Variants in MYO10 observed in about 807,000 individuals in gnomAD.
MYO10 encodes myosin X.
In MYO10, 133 loss-of-function variants were observed where a neutral mutation model predicts 257.3. The ratio of observed to expected loss-of-function variants is 0.52; its 90% CI spans 0.45 to 0.60. The LOEUF is 0.60. Among genes scored for constraint, MYO10 ranks in the 20% least tolerant of loss-of-function variants. The probability of loss-of-function intolerance (pLI) is 0.00; values close to 1 mark genes in which losing one functional copy is unlikely to be tolerated. For synonymous variants in MYO10, 1,104 were observed against 1,028.6 expected (o/e 1.07, Z -1.40); for missense variants, 2,399 against 2,635.7 (o/e 0.91, Z 1.97).
chr5:16,699,724 C>G, intron 25 of MYO10, 151 bp from the exon 26 acceptor site: 1 of 807,768 alleles, frequency 1.2e-6, no homozygotes, highest in Non-Finnish European at 1.9e-6. Flanking sequence ...GAGGCAGTGA[C>G]TGCACTGAGC....
chr5:16,866,331 T>C (rs552493425), intron 2 of MYO10, among the ~76,000 whole-genome samples: 2 of 152,366 alleles, frequency 1.3e-5, no homozygotes, highest in Admixed American at 6.5e-5. Context: ...TTGTATTTTG[T>C]TGAGCCATAC....
chr5:16,887,489 T>TTTA (rs909446953), intron 1 of MYO10, among the ~76,000 whole-genome samples: 6 of 152,160 alleles, frequency 3.9e-5, no homozygotes, highest in East Asian at 1.9e-4. Context: ...AGTCCTGAGT[T>TTTA]TTATTATTAT....
In MYO10 at chr5:16,676,259, G is replaced by C; in HGVS notation, c.4543-105C>G. 3 of 1,374,688 alleles carry C rather than the reference G, an allele frequency of 2.2e-6. No individual in the cohort carries two copies. The South Asian group carries it at 4.1e-5, about 19-fold the overall frequency. The allele number at this position is 1,374,688 out of a possible 1,614,324, so 85.2% of individuals were successfully genotyped here. Reference sequence around the variant, plus strand: ...CCATAAACCTAGTGGGGCAAAGATGGTGGAAATCCAGTGTTAGGTGGTTTC... The same window carrying C: ...CCATAAACCTAGTGGGGCAAAGATGCTGGAAATCCAGTGTTAGGTGGTTTC... On this transcript the variant is annotated intron_variant, in intron 33 of 40. Transcript: ENST00000513610.
At chr5:16,729,513 G>A (rs1350540029) in intron 19 of MYO10, among the ~76,000 whole-genome samples, 20 of 149,554 alleles carry the variant, frequency 1.3e-4, no homozygotes, top group African/African-American at 3.5e-4. Flanking sequence ...GTGCAGTGGC[G>A]CGATCTTGGC....
rs1055381363 is a variant in MYO10 at position 16,794,769 on chromosome 5, G to A, written c.344C>T (p.Pro115Leu). The A allele has an allele frequency of 3.7e-6, 6 of 1,608,882 alleles. No homozygotes were observed. Among genetic ancestry groups the A allele is most frequent in the East Asian group, 2.2e-5 (1 of 44,556 alleles). The change falls in exon 4 of 41, where the codon CCT becomes CTT. Residue 115 changes from proline (P) to leucine (L), a missense_variant. By Grantham distance (98) the Pro-to-Leu change is moderately conservative (BLOSUM62 -3). This residue lies in a region of MYO10 where 242 missense variants were observed against 249.5 expected (regional missense o/e 0.97). Coordinates refer to ENST00000513610, the MANE Select transcript of MYO10 (RefSeq NM_012334.3). ...PYQPIAGLYE[P>L]ATMEQYSRRH... ...CCGGCTGTACTGCTCCATGGTGGCA[G>A]GCTCGTACAGCCCGGCGATGGGCTG...
At chr5:16,835,810 T>TAAA (rs34486163) in intron 2 of MYO10, among the ~76,000 whole-genome samples, 3,855 of 146,836 alleles carry the variant, frequency 0.026, 73 homozygotes, top group Admixed American at 0.074. Flanking sequence ...CAAAAGTCTT[T>TAAA]AAAAAAAAAA....
intron 2 of MYO10, among the ~76,000 whole-genome samples, chr5:16,833,410 C>T (rs1409736786): frequency 6.6e-6 from 1 of 152,000 alleles, no homozygotes. Flanking sequence ...GACGAGGTTT[C>T]ACCATGTTGG....
Position 16,711,317 on chromosome 5 carries a change from G to A in MYO10, c.1930-72C>T, listed in dbSNP as rs146522656. ...AATTCGATAAGGGAGGCTTAATAAA[G>A]CCACCTCCATCATTGGTTTACCCCG... On this transcript the variant is annotated intron_variant, in intron 19 of 40. Transcript: ENST00000513610. 8.5e-4 allele frequency: 1,249 copies of A among 1,476,210 alleles called. 1 individual carries two copies. The highest frequency in any genetic ancestry group is 1.0e-3 in the Non-Finnish European group (1,130 of 1,081,982). 91.4% of individuals were successfully genotyped at this position (1,476,210 alleles called of 1,614,324 possible).
intron 1 of MYO10, among the ~76,000 whole-genome samples, chr5:16,897,279 T>C (rs1745244198): frequency 7.0e-6 from 1 of 142,316 alleles, no homozygotes; most frequent in Non-Finnish European, 1.5e-5. Context: ...GCTAAGTAAA[T>C]ATCGCCTGAA....
intron 3 of MYO10, among the ~76,000 whole-genome samples, chr5:16,797,347 G>C (rs1440235706): frequency 6.6e-6 from 1 of 152,112 alleles, no homozygotes; most frequent in Non-Finnish European, 1.5e-5. Flanking sequence ...AAACACTTCA[G>C]GTCCCAAGCA....
At position 16,662,314 on chromosome 5, in the gene MYO10, C is replaced by CTCTTTTTTTTTTTTTTTT. The variant is rs1199270809; in HGVS notation, c.*4377_*4378insAAAAAAAAAAAAAAAAGA. On this transcript the variant is annotated 3_prime_UTR_variant, in exon 41 of 41. Transcript: ENST00000513610. ...AAAAGTGCTGTCTTAGATTTCTGAA[C>CTCTTTTTTTTTTTTTTTT]TATTTTTTTTTTTTTTTTTTTTTTT... is the stretch of plus-strand genomic sequence containing the variant. The CTCTTTTTTTTTTTTTTTT allele has an allele frequency of 2.5e-5, 1 of 39,670 alleles. No homozygotes were observed. Among genetic ancestry groups the CTCTTTTTTTTTTTTTTTT allele is most frequent in the African/African-American group, 9.0e-5 (1 of 11,074 alleles). 2.5% of individuals were successfully genotyped at this position (39,670 alleles called of 1,614,324 possible).
At chr5:16,703,966 C>A (rs967860732) in intron 22 of MYO10, among the ~76,000 whole-genome samples, 24 of 150,464 alleles carry the variant, frequency 1.6e-4, no homozygotes, top group African/African-American at 5.9e-4. Flanking sequence ...AATGATAACA[C>A]CAAGGTGAAC....
intron 2 of MYO10, among the ~76,000 whole-genome samples, chr5:16,856,646 T>G (rs774833496): frequency 6.6e-6 from 1 of 151,194 alleles, no homozygotes. Flanking sequence ...GGAGGTGGAG[T>G]CTACAGATGG....
intron 1 of MYO10, among the ~76,000 whole-genome samples, chr5:16,894,547 G>A (rs957804819): frequency 1.8e-4 from 27 of 152,184 alleles, no homozygotes; most frequent in African/African-American, 6.3e-4. Context: ...GGATTAAAGA[G>A]GCTAACTCTG....
chr5:16,933,085 A>T (rs1194685729), intron 1 of MYO10, among the ~76,000 whole-genome samples: 2 of 152,234 alleles, frequency 1.3e-5, no homozygotes, highest in African/African-American at 4.8e-5. Context: ...AGGGAAGCGC[A>T]GACAAGGCTG....
At chr5:16,899,273 A>G (rs926798889) in intron 1 of MYO10, among the ~76,000 whole-genome samples, 9 of 152,114 alleles carry the variant, frequency 5.9e-5, no homozygotes, top group African/African-American at 1.9e-4. Context: ...GCCTCATCCT[A>G]ATCTACTTTA....
At chr5:16,760,114 G>C (rs1361519143) in intron 17 of MYO10, among the ~76,000 whole-genome samples, 3 of 151,870 alleles carry the variant, frequency 2.0e-5, no homozygotes, top group Non-Finnish European at 2.9e-5. Context: ...TTCAGGAAAG[G>C]GTTTTTTCCC....
intron 5 of MYO10, among the ~76,000 whole-genome samples, chr5:16,782,662 T>C (rs1011864299): frequency 2.6e-5 from 4 of 152,210 alleles, no homozygotes; most frequent in African/African-American, 9.7e-5. Flanking sequence ...AGGCTGTGGT[T>C]TGCCGACCCC....
At position 16,835,133 on chromosome 5, in the gene MYO10, C is replaced by T. The variant is rs544178203; in HGVS notation, c.121-16966G>A. On this transcript the variant is annotated intron_variant, in intron 2 of 40. Transcript: ENST00000513610. ...TGGAGGTTGCAGTAAGTCGAGATTG[C>T]GTCACTGTACTCCAGCATGGGCGAC... Among the ~76,000 whole-genome samples, 67 of 151,934 alleles carry T rather than the reference C, an allele frequency of 4.4e-4. 1 individual carries two copies. The highest frequency in any genetic ancestry group is 1.5e-3 in the African/African-American group (63 of 41,454).
Sources: allele counts gnomAD v4.1 joint callset (sites outside exome capture counted in the v4.1 genomes callset), GRCh38; gene constraint gnomAD v4.1.1; regional missense constraint gnomAD v4.1.1; transcripts MANE v1.5; gene names NCBI Gene and HGNC (gene_info 2026-07-23, HGNC 2026-07-21).